The following ETS2 variants were observed in gnomAD, a reference collection of about 807,000 sequenced individuals.
ETS2 encodes the protein protein C-ets-2.
ETS2 carries 19 observed loss-of-function variants against 54.9 expected under a neutral mutation model. The ratio of observed to expected loss-of-function variants is 0.35; its 90% CI spans 0.24 to 0.51. The LOEUF (loss-of-function observed/expected upper bound fraction) is 0.51. Ranked by LOEUF, ETS2 falls within the 20% of genes least tolerant of loss-of-function variation. The probability of loss-of-function intolerance (pLI) is 0.97; values close to 1 mark genes in which losing one functional copy is unlikely to be tolerated. For missense variants in ETS2, 417 were observed against 593.0 expected (o/e 0.70, Z 3.08); for synonymous variants, 219 against 229.3 (o/e 0.95, Z 0.41).
In ETS2 at chr21:38,815,334, C is replaced by A. The variant is rs147436190; in HGVS notation, c.505+353C>A. On this transcript the variant is annotated intron_variant, in intron 5 of 9. Coordinates refer to ENST00000360938, the MANE Select transcript of ETS2 (RefSeq NM_005239.6). ...AGCAAGAATTCCCACGTCTTCTGAG[C>A]TCACCTTACAGAGCTAAGAGATATG... 6.9e-4 allele frequency among the ~76,000 whole-genome samples: 105 copies of A among 152,168 alleles called. 2 individuals are homozygous for A. The East Asian group carries it at 0.019, about 28-fold the overall frequency.
At chr21:38,805,590 C>A (rs1364540087), upstream of ETS2, 5 of 1,270,660 alleles carry the variant, frequency 3.9e-6, no homozygotes, top group African/African-American at 1.5e-5. The surrounding 1 kb of genome is among the most constrained non-coding windows in gnomAD (Gnocchi z 5.2). Context: ...GGGACCCAGC[C>A]GAGTGACAGC....
At chr21:38,808,366 A>G (rs1479842161) in intron 1 of ETS2, among the ~76,000 whole-genome samples, 2 of 152,190 alleles carry the variant, frequency 1.3e-5, no homozygotes, top group Non-Finnish European at 2.9e-5. Context: ...TTGAGTGAAT[A>G]TAAGTGGCAT....
At chr21:38,812,433 A>G (rs2060917229) in intron 2 of ETS2, among the ~76,000 whole-genome samples, 1 of 152,222 alleles carries the variant, frequency 6.6e-6, no homozygotes, top group Non-Finnish European at 1.5e-5. Flanking sequence ...ACTTAAGTGG[A>G]TTAGGCCACT....
Position 38,814,420 on chromosome 21 carries a change from T to G in ETS2, c.304+28T>G, listed in dbSNP as rs2060925083. On this transcript the variant is annotated intron_variant, in intron 4 of 9. Transcript: ENST00000360938. This position sits in a 1 kb window ranked among gnomAD's most constrained non-coding sequence, Gnocchi z 4.2. ...AAGTACTGCTTTCCTGAGCCTGCAC[T>G]GGGTGAGAAGAACCAACTTCAGTGC... is the stretch of plus-strand genomic sequence containing the variant. The G allele has an allele frequency of 2.5e-6, 4 of 1,611,642 alleles. No homozygotes were observed. In the Admixed American group the frequency reaches 6.7e-5, roughly 27 times the overall value.
At position 38,821,322 on chromosome 21, in the gene ETS2, G is replaced by A. The variant is rs1271840826; in HGVS notation, c.1076-264G>A. Among the ~76,000 whole-genome samples, 1 of 152,166 alleles carries A rather than the reference G, an allele frequency of 6.6e-6. No individual in the cohort carries two copies. The highest frequency in any genetic ancestry group is 2.4e-5 in the African/African-American group (1 of 41,438). The stretch of plus-strand genomic sequence containing the variant: ...AAAGAACAAACCTAGCAATCAAGGG[G>A]AAGAGTGTCTCGCCTAGTGACCTTA... On this transcript the variant is annotated intron_variant, in intron 8 of 9. Coordinates refer to ENST00000360938, the MANE Select transcript of ETS2 (RefSeq NM_005239.6). This position sits in a 1 kb window ranked among gnomAD's most constrained non-coding sequence, Gnocchi z 4.2.
intron 5 of ETS2, among the ~76,000 whole-genome samples, chr21:38,816,180 C>G (rs2060935010): frequency 6.6e-6 from 1 of 150,992 alleles, no homozygotes; most frequent in South Asian, 2.1e-4. Flanking sequence ...TTATAGAATT[C>G]AGGGAACTAG....
intron 7 of ETS2, 148 bp from the exon 8 acceptor site, chr21:38,819,355 C>T (rs1018110701): frequency 3.3e-5 from 22 of 665,708 alleles, no homozygotes; most frequent in Middle Eastern, 3.3e-4. Context: ...GGAATAAGCA[C>T]CTGAGTAGAG....
chr21:38,805,885 T>C, upstream of ETS2: 1 of 1,196,124 alleles, frequency 8.4e-7, no homozygotes, highest in African/African-American at 1.7e-5. This position sits in a 1 kb window ranked among gnomAD's most constrained non-coding sequence, Gnocchi z 5.2. Flanking sequence ...CCCTCCTCCC[T>C]CCTCCTCCCG....
At position 38,819,634 on chromosome 21, in the gene ETS2, G is replaced by A. The variant is rs904004816; in HGVS notation, c.943G>A (p.Glu315Lys). 3.7e-6 allele frequency: 6 copies of A among 1,614,138 alleles called. No homozygotes were observed. The highest frequency in any genetic ancestry group is 4.2e-6 in the Non-Finnish European group (5 of 1,180,020). The part of the protein sequence containing the change: ...VQRVPSFESF[E>K]DDCSQSLCLN... ...ACGGGTTCCTTCCTTCGAGAGCTTC[G>A]AAGATGACTGCAGCCAGTCTCTCTG... The change falls in exon 8 of 10, where the codon GAA becomes AAA. Residue 315 changes from glutamate (E) to lysine (K), a missense_variant. Physicochemically the swap from Glu to Lys is moderately conservative, Grantham distance 56. Around this residue, in one of 3 missense-constraint regions of ETS2, gnomAD observed 326 missense variants for 426.1 expected, o/e 0.76. Transcript: ENST00000360938.
intron 6 of ETS2, among the ~76,000 whole-genome samples, chr21:38,817,910 GC>G (rs1346788750): frequency 1.3e-5 from 2 of 152,168 alleles, no homozygotes; most frequent in Non-Finnish European, 2.9e-5. Flanking sequence ...CCCTGTGCCT[GC>G]CTGAACCTGA....
chr21:38,819,797 C>T (rs1447412463), intron 8 of ETS2, 31 bp downstream of exon 8: 1 of 1,596,522 alleles, frequency 6.3e-7, no homozygotes, highest in East Asian at 2.3e-5. Flanking sequence ...GCCTGGCCGC[C>T]CAGTCTCCTG....
chr21:38,805,718 A>G, upstream of ETS2: 1 of 724,352 alleles, frequency 1.4e-6, no homozygotes, highest in Non-Finnish European at 1.7e-6. This position sits in a 1 kb window ranked among gnomAD's most constrained non-coding sequence, Gnocchi z 5.2. Context: ...CCGCTCCCCC[A>G]ACCCTCCTGC....
chr21:38,810,255 C>T (rs1359994489), intron 2 of ETS2, 149 bp downstream of exon 2: 1 of 528,152 alleles, frequency 1.9e-6, no homozygotes, highest in African/African-American at 2.0e-5. Context: ...TGCTTACTTG[C>T]TCTGGTCCTC....
intron 5 of ETS2, 129 bp from the exon 6 acceptor site, chr21:38,816,879 T>A: frequency 3.4e-6 from 2 of 585,922 alleles, no homozygotes; most frequent in South Asian, 4.7e-5. Context: ...ACCATGAGAT[T>A]AAATGTGAAG....
intron 2 of ETS2, among the ~76,000 whole-genome samples, chr21:38,810,391 T>A (rs531764405): frequency 6.6e-6 from 1 of 152,164 alleles, no homozygotes; most frequent in African/African-American, 2.4e-5. Context: ...TAACTCCCAA[T>A]AAAACAGCTG....
chr21:38,817,425 T>C (rs2060939775), intron 6 of ETS2, among the ~76,000 whole-genome samples: 1 of 152,238 alleles, frequency 6.6e-6, no homozygotes. Context: ...TTCACCTGTT[T>C]CTTTTTGCTT....
chr21:38,810,515 T>A (rs2060910052), intron 2 of ETS2, among the ~76,000 whole-genome samples: 1 of 152,188 alleles, frequency 6.6e-6, no homozygotes, highest in South Asian at 2.1e-4. Context: ...CCGCTACAGC[T>A]CCTATCAGAA....
upstream of ETS2, chr21:38,805,350 G>C (rs770068252): frequency 7.8e-7 from 1 of 1,288,736 alleles, no homozygotes; most frequent in Admixed American, 2.3e-5. This position sits in a 1 kb window ranked among gnomAD's most constrained non-coding sequence, Gnocchi z 5.2. Flanking sequence ...TTCAAGAATG[G>C]GGTCGGCTCA....
chr21:38,816,664 T>G (rs2060936739), intron 5 of ETS2, among the ~76,000 whole-genome samples: 1 of 152,208 alleles, frequency 6.6e-6, no homozygotes, highest in Non-Finnish European at 1.5e-5. Flanking sequence ...ATTTCCTGTA[T>G]GCAGCCTCTG....
Sources: allele counts gnomAD v4.1 joint callset (sites outside exome capture counted in the v4.1 genomes callset), GRCh38; gene constraint gnomAD v4.1.1; regional missense constraint gnomAD v4.1.1; non-coding constraint Gnocchi (gnomAD v3.1); transcripts MANE v1.5; gene names NCBI Gene and HGNC (gene_info 2026-07-23, HGNC 2026-07-21).